Variants in CDH23 observed in about 807,000 individuals in gnomAD.
The protein encoded by CDH23 is cadherin related 23, also known as cadherin-23.
Under a neutral mutation model 317.1 loss-of-function variants are expected in CDH23, and 189 were observed. The ratio of observed to expected loss-of-function variants is 0.60; its 90% CI spans 0.53 to 0.67. The LOEUF (loss-of-function observed/expected upper bound fraction) is 0.67, where lower values mean the gene tolerates loss of function less well. Ranked by LOEUF, CDH23 falls within the 30% of genes least tolerant of loss-of-function variation. CDH23 has a pLI of 0.00. For missense variants in CDH23, 4,401 were observed against 4,592.4 expected, an observed-to-expected ratio of 0.96 and a Z score of 1.20; for synonymous variants, 1,839 against 1,876.8, an observed-to-expected ratio of 0.98 and a Z score of 0.52.
intron 38 of CDH23, among the ~76,000 whole-genome samples, chr10:71,769,805 T>A (rs940348808): frequency 3.9e-5 from 6 of 152,220 alleles, no homozygotes; most frequent in African/African-American, 1.4e-4. Flanking sequence ...ATTGGATTAC[T>A]GATGAGAAAG....
At chr10:71,777,464 A>G (rs1840840994) in intron 38 of CDH23, among the ~76,000 whole-genome samples, 1 of 152,198 alleles carries the variant, frequency 6.6e-6, no homozygotes, top group African/African-American at 2.4e-5. Context: ...TGGTGGTGCC[A>G]GTGCCATCTT....
intron 14 of CDH23, among the ~76,000 whole-genome samples, chr10:71,656,270 T>C (rs1438086152): frequency 2.0e-5 from 3 of 152,316 alleles, no homozygotes; most frequent in Non-Finnish European, 2.9e-5. Flanking sequence ...TCTGGCCCTG[T>C]AGACAGGTGG....
intron 67 of CDH23, 65 bp from the exon 68 acceptor site, chr10:71,812,703 G>A (rs1841982547): frequency 6.2e-7 from 1 of 1,611,886 alleles, no homozygotes; most frequent in South Asian, 1.1e-5. Context: ...TTTAAGGGGT[G>A]GCCCCCTCCC....
At chr10:71,511,068 G>A (rs1055058618) in intron 5 of CDH23, 52 bp from the exon 6 acceptor site, 3 of 1,612,128 alleles carry the variant, frequency 1.9e-6, no homozygotes, top group Non-Finnish European at 8.5e-7. Context: ...CCCTAGGGTG[G>A]AAGAGGCCAG....
chr10:71,562,870 C>T (rs1044599008), intron 6 of CDH23, among the ~76,000 whole-genome samples: 2 of 152,118 alleles, frequency 1.3e-5, no homozygotes, highest in Non-Finnish European at 2.9e-5. Flanking sequence ...TTTTGTGTGG[C>T]TCTCGGCCTG....
chr10:71,570,736 G>A, intron 7 of CDH23, 54 bp from the exon 8 acceptor site: 1 of 1,558,532 alleles, frequency 6.4e-7, no homozygotes, highest in Non-Finnish European at 8.7e-7. Flanking sequence ...ATATGTGTGT[G>A]AGTGTCCCCA....
intron 12 of CDH23, among the ~76,000 whole-genome samples, chr10:71,645,127 T>A (rs34105928): frequency 6.6e-6 from 1 of 152,132 alleles, no homozygotes; most frequent in East Asian, 1.9e-4. Flanking sequence ...CAGAAATGCC[T>A]GAACTTGAGT....
chr10:71,565,473 T>G (rs1381447797), intron 6 of CDH23, among the ~76,000 whole-genome samples: 1 of 152,054 alleles, frequency 6.6e-6, no homozygotes, highest in Non-Finnish European at 1.5e-5. Context: ...CAAGAGAGCC[T>G]GGAGATGCAA....
At chr10:71,533,066 G>A (rs566594840) in intron 6 of CDH23, among the ~76,000 whole-genome samples, 20 of 152,298 alleles carry the variant, frequency 1.3e-4, no homozygotes, top group African/African-American at 4.1e-4. Flanking sequence ...GCCCAGCGCT[G>A]TATCTGGCAC....
chr10:71,511,283 G>A, intron 6 of CDH23, 71 bp downstream of exon 6: 1 of 1,347,642 alleles, frequency 7.4e-7, no homozygotes, highest in Admixed American at 1.7e-5. Flanking sequence ...TGGTGTAGGT[G>A]AAGAGTCAGG....
intron 26 of CDH23, 106 bp downstream of exon 26, chr10:71,707,155 A>G (rs1386472933): frequency 1.3e-6 from 2 of 1,547,214 alleles, no homozygotes; most frequent in Non-Finnish European, 8.7e-7. Context: ...GGTGGAAAAG[A>G]GGTCAGGGCT....
At chr10:71,603,403 C>G (rs1488746648) in intron 9 of CDH23, among the ~76,000 whole-genome samples, 2 of 152,248 alleles carry the variant, frequency 1.3e-5, no homozygotes, top group African/African-American at 4.8e-5. Context: ...CCTGACCTCT[C>G]TTGAGTGCCA....
At chr10:71,619,054 G>T (rs143924054) in intron 11 of CDH23, among the ~76,000 whole-genome samples, 62 of 152,282 alleles carry the variant, frequency 4.1e-4, no homozygotes, top group Non-Finnish European at 5.1e-4. Flanking sequence ...ATATTTTTAA[G>T]CCGGGCACAG....
At chr10:71,753,899 G>C in intron 38 of CDH23, 2 of 456,302 alleles carry the variant, frequency 4.4e-6, no homozygotes, top group Non-Finnish European at 8.8e-6. Flanking sequence ...AGGTGCACAC[G>C]GGTATTCCCT....
At chr10:71,664,000 CA>C (rs772733185) in intron 14 of CDH23, among the ~76,000 whole-genome samples, 84 of 90,494 alleles carry the variant, frequency 9.3e-4, no homozygotes, top group Non-Finnish European at 9.5e-4. Context: ...GACTCTGTCT[CA>C]AAAAAAAAAA....
intron 6 of CDH23, among the ~76,000 whole-genome samples, chr10:71,516,237 T>C (rs1462708113): frequency 1.3e-5 from 2 of 152,164 alleles, no homozygotes; most frequent in Non-Finnish European, 2.9e-5. Flanking sequence ...ACAGGTCCTG[T>C]ACAGATCCTT....
intron 3 of CDH23, among the ~76,000 whole-genome samples, chr10:71,447,224 A>G (rs1370571428): frequency 6.6e-6 from 1 of 152,204 alleles, no homozygotes; most frequent in Non-Finnish European, 1.5e-5. Flanking sequence ...TTTAGGGAGC[A>G]TCACTTGAAC....
chr10:71,514,625 T>A (rs1327859671), intron 6 of CDH23, among the ~76,000 whole-genome samples: 3 of 152,168 alleles, frequency 2.0e-5, no homozygotes, highest in African/African-American at 7.2e-5. Context: ...TTGTTTGTTC[T>A]CGTTCCCCTC....
intron 17 of CDH23, among the ~76,000 whole-genome samples, chr10:71,681,593 G>A (rs1447680523): frequency 6.6e-6 from 1 of 152,190 alleles, no homozygotes; most frequent in Non-Finnish European, 1.5e-5. Context: ...TAGGTGACTG[G>A]ATGGGTATGA....
Sources: gnomAD v4.1 joint callset for allele counts (sites outside exome capture counted in the v4.1 genomes callset) on GRCh38, gnomAD v4.1.1 for gene constraint, MANE v1.5 for transcripts, NCBI Gene and HGNC (gene_info 2026-07-23, HGNC 2026-07-21) for gene names.